Variants in CRIPT observed in about 807,000 individuals in gnomAD.
The protein encoded by CRIPT is cysteine-rich PDZ-binding protein.
CRIPT carries 20 observed loss-of-function variants against 16.6 expected under a neutral mutation model. The ratio of observed to expected loss-of-function variants is 1.20; its 90% CI spans 0.85 to 1.75. CRIPT has a LOEUF of 1.75. Among genes scored for constraint, CRIPT ranks in the 40% most tolerant of loss-of-function variants. CRIPT has a pLI of 0.00. For synonymous variants in CRIPT, 42 were observed against 37.0 expected, an observed-to-expected ratio of 1.14 and a Z score of -0.49; for missense variants, 133 against 115.3, an observed-to-expected ratio of 1.15 and a Z score of -0.70.
Position 46,628,401 on chromosome 2 carries a change from G to A in CRIPT, c.*4174G>A, listed in dbSNP as rs1169249498. 2.0e-5 allele frequency among the ~76,000 whole-genome samples: 3 copies of A among 152,152 alleles called. No individual in the cohort carries two copies. Among genetic ancestry groups the A allele is most frequent in the Admixed American group, 1.3e-4 (2 of 15,272 alleles). ...CTGGGATTACAGGCGTGAGCCACTG[G>A]ACCCGGCAGGATTTTTCTAATTCTG... On this transcript the variant is annotated 3_prime_UTR_variant, in exon 5 of 5. Transcript: ENST00000238892.
chr2:46,623,703 G>A, intron 3 of CRIPT, 61 bp from the exon 4 acceptor site: 1 of 878,680 alleles, frequency 1.1e-6, no homozygotes, highest in Admixed American at 2.0e-5. Context: ...GCGTAAGTGG[G>A]GTTATTTAAG....
chr2:46,622,847 A>G (rs1670845378), intron 3 of CRIPT, among the ~76,000 whole-genome samples: 1 of 151,950 alleles, frequency 6.6e-6, no homozygotes, highest in Non-Finnish European at 1.5e-5. Flanking sequence ...GTGTTTGGAA[A>G]AATTAACCTT....
chr2:46,617,294 A>T lies in CRIPT; in HGVS notation c.12A>T (p.Glu4Asp). Residue 4 changes from glutamate (E) to aspartate (D), a missense_variant, in exon 1 of 5, where the codon GAA becomes GAT. Glu to Asp is a conservative substitution (Grantham distance 45). Coordinates refer to ENST00000238892, the MANE Select transcript of CRIPT (RefSeq NM_014171.6). ...CGTCGTGGGGAAGGATGGTGTGCGA[A>T]AAATGTGAGTTAAGGGGCCGCTTCT... Reference protein sequence around the residue: MVCEKCEKKLGTVI... With the variant: MVCDKCEKKLGTVI... The T allele has an allele frequency of 6.4e-7, 1 of 1,555,532 alleles. No individual in the cohort carries two copies. Among genetic ancestry groups the T allele is most frequent in the Non-Finnish European group, 8.7e-7 (1 of 1,148,572 alleles).
intron 3 of CRIPT, among the ~76,000 whole-genome samples, chr2:46,621,259 C>G (rs976768106): frequency 6.6e-6 from 1 of 152,196 alleles, no homozygotes; most frequent in African/African-American, 2.4e-5. Context: ...ACCCCTCCCA[C>G]CTCTCCGGCT....
rs1434692149 is a variant in CRIPT, at chr2:46,628,825, A to G, written c.*4598A>G. The stretch of plus-strand genomic sequence containing the variant: ...CATAAAATATTTTTAAAAGGAAGAC[A>G]TACAAACAGACACTATAACCAAATA... On this transcript the variant is annotated 3_prime_UTR_variant, in exon 5 of 5. Transcript: ENST00000238892. 6.6e-6 allele frequency among the ~76,000 whole-genome samples: 1 copy of G among 152,238 alleles called. No homozygotes were observed. The highest frequency in any genetic ancestry group is 2.4e-5 in the African/African-American group (1 of 41,474).
chr2:46,629,616 C>G lies in CRIPT; in HGVS notation c.*5389C>G, dbSNP rs1671023014. 6.6e-6 allele frequency among the ~76,000 whole-genome samples: 1 copy of G among 151,974 alleles called. No homozygotes were observed. The highest frequency in any genetic ancestry group is 1.5e-5 in the Non-Finnish European group (1 of 67,990). The stretch of plus-strand genomic sequence containing the variant: ...TCTATTTGGGTTTTTCTGATGTTTC[C>G]TCATGGTTAGATTGGGGTAGTGCAG... On this transcript the variant is annotated 3_prime_UTR_variant, in exon 5 of 5. Transcript: ENST00000238892.
intron 1 of CRIPT, 130 bp downstream of exon 1, chr2:46,617,428 C>T: frequency 9.3e-7 from 1 of 1,077,968 alleles, no homozygotes; most frequent in Admixed American, 2.6e-5. Flanking sequence ...GTCTTTCTAC[C>T]CTACCCTTTG....
In CRIPT at chr2:46,617,296, A is replaced by G; in HGVS notation, c.14A>G (p.Lys5Arg). 6.4e-7 allele frequency: 1 copy of G among 1,555,136 alleles called. No homozygotes were observed. Among genetic ancestry groups the G allele is most frequent in the Non-Finnish European group, 8.7e-7 (1 of 1,148,432 alleles). The change falls in exon 1 of 5, where the codon AAA (lysine) becomes AGA (arginine). Residue 5 changes from lysine to arginine, a missense_variant and splice_region_variant. By Grantham distance (26) the Lys-to-Arg change is conservative. Coordinates refer to ENST00000238892, the MANE Select transcript of CRIPT (RefSeq NM_014171.6). ...TCGTGGGGAAGGATGGTGTGCGAAA[A>G]ATGTGAGTTAAGGGGCCGCTTCTGC... MVCE[K>R]CEKKLGTVIT...
At chr2:46,619,737 T>G in intron 3 of CRIPT, 56 bp downstream of exon 3, 1 of 1,340,818 alleles carries the variant, frequency 7.5e-7, no homozygotes, top group Non-Finnish European at 1.1e-6. Flanking sequence ...TAGTATTAAG[T>G]CTGCTGGAGT....
chr2:46,619,959 C>T (rs1172675942), intron 3 of CRIPT, among the ~76,000 whole-genome samples: 2 of 152,182 alleles, frequency 1.3e-5, no homozygotes, highest in Non-Finnish European at 1.5e-5. Flanking sequence ...GAATCAGAGA[C>T]AGCAGGCAAA....
Position 46,617,312 on chromosome 2 carries a change from C to G in CRIPT, c.16+14C>G. 1 of 1,553,942 alleles carries G rather than the reference C, an allele frequency of 6.4e-7. No individual in the cohort carries two copies. The highest frequency in any genetic ancestry group is 8.7e-7 in the Non-Finnish European group (1 of 1,147,836). On this transcript the variant is annotated intron_variant, in intron 1 of 4. Coordinates refer to ENST00000238892, the MANE Select transcript of CRIPT (RefSeq NM_014171.6). The stretch of plus-strand genomic sequence containing the variant: ...TGTGCGAAAAATGTGAGTTAAGGGG[C>G]CGCTTCTGCGGGAGGAGGAGGCTGG...
intron 3 of CRIPT, among the ~76,000 whole-genome samples, chr2:46,622,296 C>T (rs574909420): frequency 4.0e-5 from 6 of 148,936 alleles, no homozygotes; most frequent in African/African-American, 7.4e-5. Flanking sequence ...CATGAACCTA[C>T]GAGGCAGAGC....
intron 3 of CRIPT, among the ~76,000 whole-genome samples, chr2:46,620,411 G>T (rs931077487): frequency 8.4e-5 from 12 of 142,398 alleles, no homozygotes; most frequent in African/African-American, 3.3e-4. Context: ...TCGCACTACT[G>T]ATCTCCAGCC....
chr2:46,630,130 A>G lies in CRIPT; in HGVS notation c.*5903A>G, dbSNP rs1296494353. 6.6e-6 allele frequency among the ~76,000 whole-genome samples: 1 copy of G among 152,092 alleles called. No individual in the cohort carries two copies. Among genetic ancestry groups the G allele is most frequent in the Non-Finnish European group, 1.5e-5 (1 of 68,030 alleles). ...AACAAGGGTGTTTTCCTGCATAGCC[A>G]TAGCACAATTACCAAAATCAGAAAA... On this transcript the variant is annotated 3_prime_UTR_variant, in exon 5 of 5. Transcript: ENST00000238892.
chr2:46,617,653 G>T (rs184816866), intron 1 of CRIPT, among the ~76,000 whole-genome samples: 1 of 152,194 alleles, frequency 6.6e-6, no homozygotes, highest in Admixed American at 6.5e-5. Flanking sequence ...AAGAAGTATT[G>T]TTCTCCTGCC....
In CRIPT at chr2:46,628,362, A is replaced by G. The variant is rs6755893; in HGVS notation, c.*4135A>G. Reference sequence around the variant, plus strand: ...CCTGACGTTGTGATCCACCCGCCTCAGCCTCCCAAAGTGCTGGGATTACAG... The same window carrying G: ...CCTGACGTTGTGATCCACCCGCCTCGGCCTCCCAAAGTGCTGGGATTACAG... On this transcript the variant is annotated 3_prime_UTR_variant, in exon 5 of 5. Coordinates refer to ENST00000238892, the MANE Select transcript of CRIPT (RefSeq NM_014171.6). 0.15 allele frequency among the ~76,000 whole-genome samples: 23,477 copies of G among 151,970 alleles called. 2,770 individuals carry two copies. Among genetic ancestry groups the G allele is most frequent in the African/African-American group, 0.33 (13,730 of 41,316 alleles).
chr2:46,623,502 CA>C (rs1416290602), intron 3 of CRIPT, among the ~76,000 whole-genome samples: 1 of 152,166 alleles, frequency 6.6e-6, no homozygotes, highest in African/African-American at 2.4e-5. Flanking sequence ...AATAGAATGA[CA>C]GATACGACTG....
chr2:46,623,985 C>G (rs1670873749), intron 4 of CRIPT, 118 bp downstream of exon 4: 1 of 619,782 alleles, frequency 1.6e-6, no homozygotes, highest in Non-Finnish European at 2.5e-6. Context: ...TCTCTTTATC[C>G]TAAGGCAAAA....
At chr2:46,619,704 G>A (rs1441486781) in intron 3 of CRIPT, 23 bp downstream of exon 3, 1 of 1,583,194 alleles carries the variant, frequency 6.3e-7, no homozygotes, top group Non-Finnish European at 8.6e-7. Flanking sequence ...ATCCATCGAT[G>A]GGTCACATAA....
Sources: allele counts gnomAD v4.1 joint callset (sites outside exome capture counted in the v4.1 genomes callset), GRCh38; gene constraint gnomAD v4.1.1; transcripts MANE v1.5; gene names NCBI Gene and HGNC (gene_info 2026-07-23, HGNC 2026-07-21).